ADAMTS20: variants seen among roughly 807,000 people sequenced by gnomAD.
ADAMTS20 encodes the protein A disintegrin and metalloproteinase with thrombospondin motifs 20.
ADAMTS20 carries 225 observed loss-of-function variants against 260.1 expected under a neutral mutation model. That is an observed-to-expected ratio of 0.87 (90% CI 0.78 to 0.97). The LOEUF is 0.97. Ranked by LOEUF, ADAMTS20 falls within the 50% of genes least tolerant of loss-of-function variation. The pLI is 0.00. For missense variants in ADAMTS20, 2,400 were observed against 2,337.7 expected (o/e 1.03, Z -0.55); for synonymous variants, 802 against 769.5 (o/e 1.04, Z -0.70).
intron 3 of ADAMTS20, among the ~76,000 whole-genome samples, chr12:43,509,670 C>CT (rs1942895872): frequency 6.6e-6 from 1 of 151,954 alleles, no homozygotes; most frequent in Non-Finnish European, 1.5e-5. Context: ...ATGCTGGTTG[C>CT]TTCAGGTAAG....
intron 18 of ADAMTS20, among the ~76,000 whole-genome samples, chr12:43,434,998 T>A (rs574620770): frequency 3.3e-5 from 5 of 151,524 alleles, no homozygotes; most frequent in African/African-American, 9.7e-5. Flanking sequence ...AAAAGATCAG[T>A]GTCTGTCACC....
intron 2 of ADAMTS20, among the ~76,000 whole-genome samples, chr12:43,535,427 T>A (rs1592114822): frequency 6.6e-6 from 1 of 152,192 alleles, no homozygotes; most frequent in South Asian, 2.1e-4. Flanking sequence ...TCCATAAACT[T>A]GGGTGAGAAA....
chr12:43,440,930 T>C (rs1941652060), intron 16 of ADAMTS20, among the ~76,000 whole-genome samples: 1 of 152,066 alleles, frequency 6.6e-6, no homozygotes, highest in Admixed American at 6.5e-5. Flanking sequence ...CCGGGCGTAC[T>C]GGCGGGCGCC....
chr12:43,399,256 C>T (rs558511496), intron 28 of ADAMTS20, 23 bp from the exon 29 acceptor site: 218 of 1,432,730 alleles, frequency 1.5e-4, no homozygotes, highest in Non-Finnish European at 1.8e-4. Flanking sequence ...TATGAATGCA[C>T]TTGATTCATT....
chr12:43,373,242 G>C (rs1940144208), intron 36 of ADAMTS20, among the ~76,000 whole-genome samples: 1 of 152,182 alleles, frequency 6.6e-6, no homozygotes, highest in Admixed American at 6.5e-5. Context: ...TGCATGCTCT[G>C]GGCCCAGACC....
At chr12:43,428,865 T>C (rs1002898530) in intron 24 of ADAMTS20, 66 bp from the exon 25 acceptor site, 4 of 1,369,032 alleles carry the variant, frequency 2.9e-6, no homozygotes, top group African/African-American at 2.9e-5. Flanking sequence ...CCCTTTTACA[T>C]AGCTGTTACT....
chr12:43,392,735 T>C (rs1940621366), intron 29 of ADAMTS20, among the ~76,000 whole-genome samples: 1 of 152,076 alleles, frequency 6.6e-6, no homozygotes, highest in Admixed American at 6.6e-5. Context: ...ACTGATCACT[T>C]TCTGTTGAAT....
chr12:43,532,519 T>C (rs886711453), intron 2 of ADAMTS20, among the ~76,000 whole-genome samples: 2 of 150,190 alleles, frequency 1.3e-5, no homozygotes, highest in Non-Finnish European at 3.0e-5. Flanking sequence ...CCTGTGCTTT[T>C]GATCTGTGGG....
At chr12:43,427,532 T>C (rs1335161104) in intron 26 of ADAMTS20, 63 bp from the exon 27 acceptor site, 14 of 1,197,452 alleles carry the variant, frequency 1.2e-5, no homozygotes, top group South Asian at 1.9e-5. Context: ...ATTTACATGG[T>C]AAAAAAAAAA....
In ADAMTS20 at chr12:43,383,901, T is replaced by A. The variant is rs1279905497; in HGVS notation, c.4529A>T (p.Glu1510Val). 1 of 1,613,792 alleles carries A rather than the reference T, an allele frequency of 6.2e-7. No homozygotes were observed. The highest frequency in any genetic ancestry group is 8.5e-7 in the Non-Finnish European group (1 of 1,179,870). ...CRLKGVGQVV[E>V]EMCDQSTRPC... ...TCGGGTGGACTGATCACACATTTCTTCAACCACCTGACCAACACCTTTCAG... is the reference window on the plus strand; with the variant it reads ...TCGGGTGGACTGATCACACATTTCTACAACCACCTGACCAACACCTTTCAG... The change falls in exon 30 of 39, where the codon GAA becomes GTA. Residue 1510 changes from glutamate to valine, a missense_variant. Glu to Val is a moderately radical substitution (Grantham distance 121). Coordinates refer to ENST00000389420, the MANE Select transcript of ADAMTS20 (RefSeq NM_025003.5).
Position 43,376,100 on chromosome 12 carries a change from G to C in ADAMTS20, c.5269C>G (p.Leu1757Val). The change falls in exon 35 of 39, where the codon CTG becomes GTG. Residue 1757 changes from leucine to valine, a missense_variant. Leu to Val is a conservative substitution (Grantham distance 32). Coordinates refer to ENST00000389420, the MANE Select transcript of ADAMTS20 (RefSeq NM_025003.5). The stretch of plus-strand genomic sequence containing the variant: ...GAAAAGTTTTCTTCACCTTGGACCA[G>C]TGTTAAATATTCCTTAGGGTTCTCC... ...YLENPKEYLT[L>V]VQGEENFSEV... The C allele has an allele frequency of 6.2e-7, 1 of 1,611,074 alleles. No homozygotes were observed. The highest frequency in any genetic ancestry group is 8.5e-7 in the Non-Finnish European group (1 of 1,178,714).
intron 3 of ADAMTS20, 33 bp from the exon 4 acceptor site, chr12:43,502,438 A>G (rs1417183290): frequency 6.4e-7 from 1 of 1,556,324 alleles, no homozygotes; most frequent in Admixed American, 2.3e-5. Flanking sequence ...ATGCAGAGCC[A>G]TTAAATTGGA....
intron 29 of ADAMTS20, among the ~76,000 whole-genome samples, chr12:43,386,277 G>A (rs1206217857): frequency 1.3e-5 from 2 of 152,156 alleles, no homozygotes; most frequent in Non-Finnish European, 2.9e-5. Context: ...ATTCTGGGTT[G>A]AAAATTCTTT....
intron 28 of ADAMTS20, among the ~76,000 whole-genome samples, chr12:43,410,518 A>G (rs1265381067): frequency 6.6e-6 from 1 of 152,238 alleles, no homozygotes; most frequent in African/African-American, 2.4e-5. Flanking sequence ...CCACACTGAC[A>G]TTACAGCACT....
chr12:43,397,214 T>A (rs1940722203), intron 29 of ADAMTS20, among the ~76,000 whole-genome samples: 1 of 152,166 alleles, frequency 6.6e-6, no homozygotes, highest in Admixed American at 6.6e-5. Flanking sequence ...GATACAAAGC[T>A]AGGTGTGGAA....
At chr12:43,530,766 T>C (rs1204067747) in intron 3 of ADAMTS20, among the ~76,000 whole-genome samples, 1 of 152,088 alleles carries the variant, frequency 6.6e-6, no homozygotes, top group African/African-American at 2.4e-5. Context: ...TCTTAATAAA[T>C]ACAACTTTTA....
chr12:43,359,749 A>G (rs1361232606), intron 37 of ADAMTS20, among the ~76,000 whole-genome samples: 2 of 152,272 alleles, frequency 1.3e-5, no homozygotes, highest in East Asian at 1.9e-4. Flanking sequence ...TTTTCAACAC[A>G]TGGTGTTAGA....
At chr12:43,450,189 A>G (rs1324661340) in intron 14 of ADAMTS20, among the ~76,000 whole-genome samples, 1 of 118,396 alleles carries the variant, frequency 8.4e-6, no homozygotes, top group African/African-American at 2.8e-5. Flanking sequence ...ATGAATGAAT[A>G]AATGAATGAA....
chr12:43,523,299 C>T (rs997007349), intron 3 of ADAMTS20, among the ~76,000 whole-genome samples: 5 of 152,194 alleles, frequency 3.3e-5, no homozygotes, highest in Admixed American at 6.5e-5. Context: ...TCCCAGTCTC[C>T]GTGCAGAACG....
Sources: gnomAD v4.1 joint callset for allele counts (sites outside exome capture counted in the v4.1 genomes callset) on GRCh38, gnomAD v4.1.1 for gene constraint, MANE v1.5 for transcripts, NCBI Gene and HGNC (gene_info 2026-07-23, HGNC 2026-07-21) for gene names.